The following SKA2 variants were observed in gnomAD, a reference collection of about 807,000 sequenced individuals.
The protein encoded by SKA2 is spindle and kinetochore associated complex subunit 2, also known as spindle and kinetochore-associated protein 2.
In SKA2, 13 loss-of-function variants were observed where a neutral mutation model predicts 16.9. The ratio of observed to expected loss-of-function variants is 0.77; its 90% CI spans 0.50 to 1.22. The LOEUF (loss-of-function observed/expected upper bound fraction) is 1.22. Among genes scored for constraint, SKA2 ranks in the 50% most tolerant of loss-of-function variants. SKA2 has a pLI of 0.00. For synonymous variants in SKA2, 47 were observed against 48.5 expected, an observed-to-expected ratio of 0.97 and a Z score of 0.13; for missense variants, 107 against 139.7, an observed-to-expected ratio of 0.77 and a Z score of 1.18.
intron 2 of SKA2, among the ~76,000 whole-genome samples, chr17:59,127,427 C>T (rs777917688): frequency 2.6e-5 from 4 of 152,072 alleles, no homozygotes; most frequent in Non-Finnish European, 4.4e-5. Context: ...CTTGATCTGT[C>T]GCCCAGGCTG....
At chr17:59,123,437 A>AT (rs1157195294) in intron 2 of SKA2, among the ~76,000 whole-genome samples, 1 of 151,668 alleles carries the variant, frequency 6.6e-6, no homozygotes, top group Non-Finnish European at 1.5e-5. Context: ...TGTGCCTGTA[A>AT]TCCCAGCTAC....
intron 3 of SKA2, among the ~76,000 whole-genome samples, chr17:59,116,859 C>A (rs1364327780): frequency 8.2e-6 from 1 of 121,780 alleles, no homozygotes; most frequent in African/African-American, 3.3e-5. Flanking sequence ...CGCTCTGTTG[C>A]CAGGCTGAAG....
At chr17:59,147,377 G>GACACACACACACACACACACACACACAC (rs57098353) in intron 1 of SKA2, among the ~76,000 whole-genome samples, 7 of 138,218 alleles carry the variant, frequency 5.1e-5, no homozygotes, top group African/African-American at 1.9e-4. Flanking sequence ...TTATATATAA[G>GACACACACACACACACACACACACACAC]ACACACACAC....
At chr17:59,130,809 G>A (rs1279225097) in intron 2 of SKA2, among the ~76,000 whole-genome samples, 1 of 152,118 alleles carries the variant, frequency 6.6e-6, no homozygotes, top group African/African-American at 2.4e-5. Context: ...ACATAAAGCA[G>A]AGTTAATGTT....
chr17:59,151,976 T>TG (rs2046580956), intron 1 of SKA2, among the ~76,000 whole-genome samples: 1 of 152,114 alleles, frequency 6.6e-6, no homozygotes. Flanking sequence ...AAAATAATGA[T>TG]GGGGGGAGGT....
intron 1 of SKA2, among the ~76,000 whole-genome samples, chr17:59,135,972 G>A (rs1018838858): frequency 6.6e-6 from 1 of 151,654 alleles, no homozygotes; most frequent in African/African-American, 2.4e-5. Context: ...CTTGAGCCCA[G>A]GAGTTCAAGG....
Position 59,133,262 on chromosome 17 carries a change from T to C in SKA2, c.34-1895A>G, listed in dbSNP as rs555140305. ...CAGACGTGAGCCACCATGTCCAGCC[T>C]AAAAGTGGTTTATTTCTGCAAGCGG... On this transcript the variant is annotated intron_variant, in intron 1 of 3. Transcript: ENST00000330137. Among the ~76,000 whole-genome samples, 5 of 152,330 alleles carry C rather than the reference T, an allele frequency of 3.3e-5. No homozygotes were observed. The South Asian group carries it at 1.0e-3, about 32-fold the overall frequency.
chr17:59,136,150 G>A (rs527934516), intron 1 of SKA2, among the ~76,000 whole-genome samples: 1 of 152,124 alleles, frequency 6.6e-6, no homozygotes, highest in African/African-American at 2.4e-5. Context: ...ATAACACACA[G>A]GGGCAGTACT....
chr17:59,126,554 T>C (rs1464872846), intron 2 of SKA2, among the ~76,000 whole-genome samples: 2 of 152,216 alleles, frequency 1.3e-5, no homozygotes, highest in Non-Finnish European at 2.9e-5. Context: ...CTTTCTTTCC[T>C]GTTCCTTTAC....
chr17:59,141,740 AAAAG>A (rs1414694666), intron 1 of SKA2, among the ~76,000 whole-genome samples: 2 of 151,806 alleles, frequency 1.3e-5, no homozygotes, highest in East Asian at 1.9e-4. Flanking sequence ...AAAAAAAAAA[AAAAG>A]AGAGCCTAGG....
intron 3 of SKA2, 21 bp from the exon 4 acceptor site, chr17:59,112,366 T>C (rs766545588): frequency 1.6e-5 from 26 of 1,585,588 alleles, no homozygotes; most frequent in Non-Finnish European, 2.2e-5. Context: ...AATGATAAAA[T>C]CTTTATTTCA....
chr17:59,131,332 T>C lies in SKA2; in HGVS notation c.69A>G (p.Gln23=), dbSNP rs374720606. The C allele has an allele frequency of 3.4e-5, 53 of 1,580,746 alleles. No homozygotes were observed. In the African/African-American group the frequency reaches 3.4e-4, roughly 10 times the overall value. The change falls in exon 2 of 4, where the codon CAA becomes CAG. Residue 23 remains glutamine, a synonymous_variant. Coordinates refer to ENST00000330137, the MANE Select transcript of SKA2 (RefSeq NM_182620.4). The part of the protein sequence containing the change: ...QKAESDLDYI[Q]YRLEYEIKTN... ...TCTTGATTTCATATTCCAGCCTGTA[T>C]TGAATGTAATCCAGATCAGACTCAG...
At position 59,113,899 on chromosome 17, in the gene SKA2, GCTGA is replaced by G. The variant is rs147383186; in HGVS notation, c.298-1558_298-1555del. 5.7e-3 allele frequency among the ~76,000 whole-genome samples: 871 copies of G among 151,974 alleles called. 13 individuals are homozygous for G. The highest frequency in any genetic ancestry group is 0.02 in the African/African-American group (842 of 41,448). ...CTTCAGAAAAAGGAAAGACTTCTGG[GCTGA>G]CTTATTTAGCAACTGAACAATGTAA... On this transcript the variant is annotated intron_variant, in intron 3 of 3. Transcript: ENST00000330137.
At position 59,155,136 on chromosome 17, in the gene SKA2, G is replaced by C; in HGVS notation, c.28C>G (p.Leu10Val). The C allele has an allele frequency of 6.2e-7, 1 of 1,613,996 alleles. No individual in the cohort carries two copies. The change falls in exon 1 of 4, where the codon CTG (leucine) becomes GTG (valine). Residue 10 changes from leucine to valine, a missense_variant. By Grantham distance (32) the Leu-to-Val change is conservative. Coordinates refer to ENST00000330137, the MANE Select transcript of SKA2 (RefSeq NM_182620.4). ...CTCCTTCACTTTGCACTCACCATCA[G>C]TTCCAGCTTATCGACCTCCGCCTCC... MEAEVDKLE[L>V]MFQKAESDLD...
intron 1 of SKA2, chr17:59,151,360 G>C (rs2046576507): frequency 2.5e-6 from 1 of 396,174 alleles, no homozygotes; most frequent in Non-Finnish European, 4.9e-6. Context: ...TTTTAAAAAA[G>C]GATAAGACTT....
intron 2 of SKA2, among the ~76,000 whole-genome samples, chr17:59,125,147 AT>A (rs10719455): frequency 0.37 from 35,271 of 95,920 alleles, 5,381 homozygotes; most frequent in Middle Eastern, 0.52. Context: ...CTAATTTTGT[AT>A]TTTTTTTTTT....
intron 2 of SKA2, among the ~76,000 whole-genome samples, chr17:59,121,928 C>T (rs1267944281): frequency 2.7e-5 from 4 of 149,180 alleles, no homozygotes; most frequent in African/African-American, 5.0e-5. Context: ...TCCAAGATCA[C>T]GCCACTGCAC....
At chr17:59,112,515 C>T (rs138416109) in intron 3 of SKA2, among the ~76,000 whole-genome samples, 170 bp from the exon 4 acceptor site, 1 of 152,284 alleles carries the variant, frequency 6.6e-6, no homozygotes, top group East Asian at 1.9e-4. Flanking sequence ...TATTTATATA[C>T]AAGGTCCTAT....
In SKA2 at chr17:59,132,663, ATAAATAAG is replaced by A. The variant is rs1380571981; in HGVS notation, c.34-1304_34-1297del. On this transcript the variant is annotated intron_variant, in intron 1 of 3. Transcript: ENST00000330137. Reference sequence around the variant, plus strand: ...GGGTAACAGAGCAAGACTCTATCTCATAAATAAGTAAATAAGTAAATATCAATATTTGG... The same window carrying A: ...GGGTAACAGAGCAAGACTCTATCTCATAAATAAGTAAATATCAATATTTGG... 2.6e-4 allele frequency among the ~76,000 whole-genome samples: 39 copies of A among 152,358 alleles called. No individual in the cohort carries two copies. In the East Asian group the frequency reaches 5.4e-3, roughly 21 times the overall value.
Sources: gnomAD v4.1 joint callset for allele counts (sites outside exome capture counted in the v4.1 genomes callset) on GRCh38, gnomAD v4.1.1 for gene constraint, MANE v1.5 for transcripts, NCBI Gene and HGNC (gene_info 2026-07-23, HGNC 2026-07-21) for gene names.